BANF2: variants seen among roughly 807,000 people sequenced by gnomAD.
BANF2 encodes the protein BANF family member 2.
A neutral mutation model predicts 8.0 loss-of-function variants in BANF2; 4 were observed. The observed-to-expected ratio is 0.50, with a 90% CI of 0.25 to 1.14. The LOEUF (loss-of-function observed/expected upper bound fraction) is 1.14. Among genes scored for constraint, BANF2 ranks in the 50% most tolerant of loss-of-function variants. The pLI is 0.16. For missense variants in BANF2, 96 were observed against 107.5 expected, an observed-to-expected ratio of 0.89 and a Z score of 0.47; for synonymous variants, 50 against 40.6, an observed-to-expected ratio of 1.23 and a Z score of -0.88.
chr20:17,711,885 G>A (rs1454575915), intron 1 of BANF2, among the ~76,000 whole-genome samples: 1 of 152,198 alleles, frequency 6.6e-6, no homozygotes, highest in African/African-American at 2.4e-5. Flanking sequence ...TCCTTGCAAT[G>A]GAATAGTCAG....
At chr20:17,713,219 C>T (rs75138775) in intron 1 of BANF2, among the ~76,000 whole-genome samples, 4,184 of 151,784 alleles carry the variant, frequency 0.028, 199 homozygotes, top group African/African-American at 0.093. Context: ...GATTGCACTC[C>T]GGCCTGGTGA....
At chr20:17,703,224 C>T (rs2037435295) in intron 1 of BANF2, among the ~76,000 whole-genome samples, 1 of 152,220 alleles carries the variant, frequency 6.6e-6, no homozygotes, top group South Asian at 2.1e-4. Context: ...TGTCCCCAGC[C>T]CCATTCCAAT....
intron 3 of BANF2, among the ~76,000 whole-genome samples, chr20:17,733,280 A>T (rs2037928707): frequency 6.6e-6 from 1 of 152,192 alleles, no homozygotes; most frequent in African/African-American, 2.4e-5. Flanking sequence ...GCAGAGGAAA[A>T]CAGGAGACTT....
intron 2 of BANF2, 52 bp downstream of exon 2, chr20:17,722,930 G>A (rs1183508750): frequency 2.1e-5 from 20 of 932,302 alleles, no homozygotes; most frequent in East Asian, 1.2e-4. Context: ...AAAGGGAGGC[G>A]TTGGATGCAC....
intron 1 of BANF2, among the ~76,000 whole-genome samples, chr20:17,708,242 A>C (rs2037515705): frequency 6.6e-6 from 1 of 151,850 alleles, no homozygotes; most frequent in African/African-American, 2.4e-5. Context: ...ACAAAAACAA[A>C]CAGAAAAAAA....
At chr20:17,722,945 T>A in intron 2 of BANF2, 67 bp downstream of exon 2, 1 of 898,490 alleles carries the variant, frequency 1.1e-6, no homozygotes, top group Non-Finnish European at 1.3e-6. Context: ...ATGCACCTGA[T>A]CATTTACGTC....
intron 1 of BANF2, chr20:17,712,608 G>T: frequency 1.1e-6 from 1 of 892,564 alleles, no homozygotes; most frequent in Non-Finnish European, 1.3e-6. Flanking sequence ...TCCCTGGGAG[G>T]GTAGTGCGGA....
rs1053766877 is a variant in BANF2 at position 17,722,818 on chromosome 20, A to G, written c.-64A>G. 41 of 985,222 alleles carry G rather than the reference A, an allele frequency of 4.2e-5. No homozygotes were observed. In the African/African-American group the frequency reaches 6.8e-4, roughly 16 times the overall value. The allele number at this position is 985,222 out of a possible 1,614,324, so 61.0% of individuals were successfully genotyped here. On this transcript the variant is annotated 5_prime_UTR_variant, in exon 2 of 4. The change abolishes an upstream ATG in the 5' untranslated region. Coordinates refer to ENST00000246090, the MANE Select transcript of BANF2 (RefSeq NM_178477.5). Reference sequence around the variant, plus strand: ...CCGGGAGAGTTCAGTGTCTTCTGAAATGTTACAAAACGTCCTTCAGAGCAA... The same window carrying G: ...CCGGGAGAGTTCAGTGTCTTCTGAAGTGTTACAAAACGTCCTTCAGAGCAA...
intron 1 of BANF2, among the ~76,000 whole-genome samples, chr20:17,710,951 C>T (rs1042554141): frequency 2.6e-5 from 4 of 151,956 alleles, no homozygotes; most frequent in East Asian, 1.9e-4. Flanking sequence ...GGGGCGGGGG[C>T]GCCGCCAGAT....
intron 1 of BANF2, among the ~76,000 whole-genome samples, chr20:17,713,056 T>C (rs1226867304): frequency 6.6e-6 from 1 of 152,026 alleles, no homozygotes; most frequent in African/African-American, 2.4e-5. Flanking sequence ...AAGACCAGCC[T>C]GGGCAACTTA....
At chr20:17,720,645 G>C (rs374774238) in intron 1 of BANF2, among the ~76,000 whole-genome samples, 1 of 152,230 alleles carries the variant, frequency 6.6e-6, no homozygotes. Flanking sequence ...GTTGCCAGGG[G>C]TTGCAGGGAA....
intron 1 of BANF2, among the ~76,000 whole-genome samples, chr20:17,718,481 G>T (rs1463562054): frequency 6.6e-6 from 1 of 152,150 alleles, no homozygotes; most frequent in African/African-American, 2.4e-5. Flanking sequence ...AGCCTGCATT[G>T]TAGAATTTTT....
At chr20:17,698,477 G>A (rs149369263), upstream of BANF2, among the ~76,000 whole-genome samples, 246 of 152,360 alleles carry the variant, frequency 1.6e-3, no homozygotes, top group African/African-American at 5.2e-3. Context: ...AGGCACCTAC[G>A]GGTGGGTCCT....
chr20:17,730,549 C>G (rs2037879415), intron 3 of BANF2, among the ~76,000 whole-genome samples: 1 of 152,226 alleles, frequency 6.6e-6, no homozygotes, highest in African/African-American at 2.4e-5. Flanking sequence ...AGGCGGGGCT[C>G]TGCTCTCTCT....
At chr20:17,714,276 A>T (rs1401090534) in intron 1 of BANF2, among the ~76,000 whole-genome samples, 1 of 152,086 alleles carries the variant, frequency 6.6e-6, no homozygotes, top group Non-Finnish European at 1.5e-5. Flanking sequence ...ACAAATGCAG[A>T]TATCTCATCC....
At chr20:17,700,393 G>A (rs530799381) in intron 1 of BANF2, among the ~76,000 whole-genome samples, 1 of 152,288 alleles carries the variant, frequency 6.6e-6, no homozygotes, top group East Asian at 1.9e-4. Context: ...ATTCACTAGA[G>A]CATCACTTCT....
chr20:17,731,010 C>T (rs1337321271), intron 3 of BANF2, among the ~76,000 whole-genome samples: 1 of 152,234 alleles, frequency 6.6e-6, no homozygotes, highest in Admixed American at 6.5e-5. Flanking sequence ...GGCGTGGTAG[C>T]TCCTGCCTGT....
At chr20:17,725,194 T>C in intron 3 of BANF2, 43 bp downstream of exon 3, 1 of 1,580,484 alleles carries the variant, frequency 6.3e-7, no homozygotes, top group Non-Finnish European at 8.7e-7. Context: ...CTTCCCTACC[T>C]TTCTTCCCCC....
At chr20:17,696,815 T>C (rs1394668993), upstream of BANF2, among the ~76,000 whole-genome samples, 1 of 152,176 alleles carries the variant, frequency 6.6e-6, no homozygotes, top group Non-Finnish European at 1.5e-5. Context: ...ATTGGATCTT[T>C]TCAGTGGCAG....
Sources: gnomAD v4.1 joint callset for allele counts (sites outside exome capture counted in the v4.1 genomes callset) on GRCh38, gnomAD v4.1.1 for gene constraint, MANE v1.5 for transcripts, NCBI Gene and HGNC (gene_info 2026-07-23, HGNC 2026-07-21) for gene names.